CAMSAP3: variants seen among roughly 807,000 people sequenced by gnomAD.
The protein encoded by CAMSAP3 is calmodulin regulated spectrin associated protein family member 3.
In CAMSAP3, 34 loss-of-function variants were observed where a neutral mutation model predicts 112.5. The ratio of observed to expected loss-of-function variants is 0.30; its 90% confidence interval spans 0.23 to 0.40. The LOEUF is 0.40. CAMSAP3 is among the 10% of genes least tolerant of loss of function. CAMSAP3 has a pLI of 1.00. For missense variants in CAMSAP3, 1,602 were observed against 1,770.3 expected, an observed-to-expected ratio of 0.90 and a Z score of 1.71; for synonymous variants, 868 against 799.8, an observed-to-expected ratio of 1.09 and a Z score of -1.44.
In CAMSAP3 at chr19:7,611,040, G is replaced by C. The variant is rs2030456975; in HGVS notation, c.1050-55G>C. On this transcript the variant is annotated intron_variant, in intron 8 of 16. Coordinates refer to ENST00000160298, the MANE Select transcript of CAMSAP3 (RefSeq NM_020902.2). The surrounding 1 kb of genome is among the most constrained non-coding windows in gnomAD (Gnocchi z 6.9). ...GGTGATGCTGTTGTCTCCCCCCGGG[G>C]AGAGGCGGAGGAGGAGGTGGGGGTC... is the stretch of plus-strand genomic sequence containing the variant. 2 of 1,605,738 alleles carry C rather than the reference G, an allele frequency of 1.2e-6. No individual in the cohort carries two copies. Among genetic ancestry groups the C allele is most frequent in the South Asian group, 2.2e-5 (2 of 90,736 alleles).
intron 1 of CAMSAP3, among the ~76,000 whole-genome samples, chr19:7,601,145 C>T (rs961048310): frequency 1.3e-5 from 2 of 152,004 alleles, no homozygotes; most frequent in Non-Finnish European, 1.5e-5. Flanking sequence ...ACAACAAAAA[C>T]CAGTGTAAAA....
rs574118963 is a variant in CAMSAP3 at position 7,607,748 on chromosome 19, C to T, written c.622-378C>T. 4 of 575,428 alleles carry T rather than the reference C, an allele frequency of 7.0e-6. No homozygotes were observed. The highest frequency in any genetic ancestry group is 3.0e-5 in the Admixed American group (1 of 32,948). 35.6% of individuals were successfully genotyped at this position (575,428 alleles called of 1,614,324 possible). On this transcript the variant is annotated intron_variant, in intron 4 of 16. Transcript: ENST00000160298. This position sits in a 1 kb window ranked among gnomAD's most constrained non-coding sequence, Gnocchi z 4.9. ...ACCAGGGTCAGGGCTACCCCCTCCC[C>T]CCCAAGGTGGGCTTGGGGGCCCAGC... is the stretch of plus-strand genomic sequence containing the variant.
intron 1 of CAMSAP3, among the ~76,000 whole-genome samples, chr19:7,599,618 TCCACCCACCCCACTCATCCATCCACCCAC>T (rs1599339807): frequency 2.9e-5 from 1 of 34,200 alleles, no homozygotes; most frequent in Non-Finnish European, 5.4e-5. Context: ...CACTCATCCA[TCCACCCACCCCACTCATCCATCCACCCAC>T]CCACCCACCC....
Position 7,612,375 on chromosome 19 carries a change from C to A in CAMSAP3, c.1882C>A (p.His628Asn). 1 of 1,599,886 alleles carries A rather than the reference C, an allele frequency of 6.3e-7. No individual in the cohort carries two copies. Among genetic ancestry groups the A allele is most frequent in the Non-Finnish European group, 8.5e-7 (1 of 1,176,122 alleles). The change falls in exon 11 of 17, where the codon CAC becomes AAC. Residue 628 changes from histidine (H) to asparagine (N), a missense_variant. By Grantham distance (68) the His-to-Asn change is moderately conservative (BLOSUM62 1). Around this residue, in one of 6 missense-constraint regions of CAMSAP3, gnomAD observed 1,100 missense variants for 1,135.7 expected, o/e 0.97. Transcript: ENST00000160298. ...ACGGATTGAGGCCATATTCGCCAAG[C>A]ACCGCCAGCGGCTGGGCAAAAGCGC... ...KRRIEAIFAK[H>N]RQRLGKSAFL...
At chr19:7,614,945 T>G in intron 11 of CAMSAP3, 1 of 590,550 alleles carries the variant, frequency 1.7e-6, no homozygotes, top group South Asian at 2.0e-5. Context: ...CTGCTGCTTT[T>G]GTCTTCCCCG....
rs373173219 is a variant in CAMSAP3, at chr19:7,617,855, C to G, written c.3548C>G (p.Ser1183Trp). 1.9e-6 allele frequency: 3 copies of G among 1,613,770 alleles called. No individual in the cohort carries two copies. The highest frequency in any genetic ancestry group is 1.1e-5 in the South Asian group (1 of 91,092). ...YTLSGETEEL[S>W]RLAGYGPRTV... ...CTGTCGGGGGAGACAGAGGAGCTGT[C>G]GCGGCTGGCAGGGTATGGGCCCCGG... Residue 1183 changes from serine (S) to tryptophan (W), a missense_variant, in exon 17 of 17, where the codon TCG becomes TGG. Ser to Trp is a radical substitution (Grantham distance 177). Coordinates refer to ENST00000160298, the MANE Select transcript of CAMSAP3 (RefSeq NM_020902.2). This position sits in a 1 kb window ranked among gnomAD's most constrained non-coding sequence, Gnocchi z 7.5.
chr19:7,596,014 G>T lies in CAMSAP3; in HGVS notation c.12G>T (p.Ala4=), dbSNP rs2024429200. 2 of 1,145,968 alleles carry T rather than the reference G, an allele frequency of 1.7e-6. No individual in the cohort carries two copies. The highest frequency in any genetic ancestry group is 2.2e-6 in the Non-Finnish European group (2 of 917,560). 71.0% of individuals were successfully genotyped at this position (1,145,968 alleles called of 1,614,324 possible). MVE[A]APPGPGPLRR... ...GCCCCGGCGCCGCCATGGTGGAGGC[G>T]GCGCCCCCCGGGCCCGGGCCGCTGC... is the stretch of plus-strand genomic sequence containing the variant. Residue 4 remains alanine (A), a synonymous_variant, in exon 1 of 17, where the codon GCG becomes GCT. Transcript: ENST00000160298.
At chr19:7,603,340 G>A (rs1464086811) in intron 1 of CAMSAP3, among the ~76,000 whole-genome samples, 4 of 151,622 alleles carry the variant, frequency 2.6e-5, no homozygotes, top group Non-Finnish European at 5.9e-5. Context: ...TCGGCTTCCC[G>A]AGTAGCTGGG....
rs765681732 is a variant in CAMSAP3 at position 7,612,914 on chromosome 19, C to G, written c.2421C>G (p.Leu807=). The G allele has an allele frequency of 4.3e-6, 7 of 1,609,732 alleles. No homozygotes were observed. The highest frequency in any genetic ancestry group is 5.9e-6 in the Non-Finnish European group (7 of 1,179,190). ...VLTPPHDVDS[L]PHLRKFSPSQ... ...CGCCACCCCACGACGTAGACAGCCT[C>G]CCCCACCTGCGCAAGTTCTCGCCGA... The change falls in exon 11 of 17, where the codon CTC becomes CTG. Residue 807 remains leucine (L), a synonymous_variant. Coordinates refer to ENST00000160298, the MANE Select transcript of CAMSAP3 (RefSeq NM_020902.2).
intron 4 of CAMSAP3, 102 bp from the exon 5 acceptor site, chr19:7,608,024 G>T (rs1245911996): frequency 2.1e-6 from 3 of 1,423,340 alleles, no homozygotes; most frequent in Non-Finnish European, 2.9e-6. Context: ...CCAGCTTCCC[G>T]CCCCCTCATG....
Position 7,611,601 on chromosome 19 carries a change from C to A in CAMSAP3, c.1193+15C>A. The stretch of plus-strand genomic sequence containing the variant: ...CGGCAGCTCAGGTGAGTAGACCTCA[C>A]AGGCCAGGGTAGGGGGTGGAGCAGG... On this transcript the variant is annotated intron_variant, in intron 10 of 16. Coordinates refer to ENST00000160298, the MANE Select transcript of CAMSAP3 (RefSeq NM_020902.2). The surrounding 1 kb of genome is among the most constrained non-coding windows in gnomAD (Gnocchi z 6.9). 1 of 1,610,658 alleles carries A rather than the reference C, an allele frequency of 6.2e-7. No individual in the cohort carries two copies. Among genetic ancestry groups the A allele is most frequent in the Non-Finnish European group, 8.5e-7 (1 of 1,178,850 alleles).
Position 7,605,476 on chromosome 19 carries a change from C to T in CAMSAP3, c.399C>T (p.Leu133=), listed in dbSNP as rs1382940062. 1.4e-6 allele frequency: 2 copies of T among 1,456,150 alleles called. No homozygotes were observed. The highest frequency in any genetic ancestry group is 2.9e-5 in the African/African-American group (2 of 68,808). 90.2% of individuals were successfully genotyped at this position (1,456,150 alleles called of 1,614,324 possible). A position where few individuals can be genotyped will look rare whatever the true frequency, so the allele number is the denominator to read the frequency against. ...CCGACCTGAGGCACCAGCCCATTCT[C>T]ATGGTAGGCCCCGCCACTGCCTGTT... ...READLRHQPI[L]MGAHLAVIDA... is the part of the protein sequence containing the mutation. Residue 133 remains leucine (L), a synonymous_variant, in exon 2 of 17, where the codon CTC becomes CTT. Transcript: ENST00000160298.
chr19:7,606,134 TG>T, intron 2 of CAMSAP3, 136 bp from the exon 3 acceptor site: 1 of 648,264 alleles, frequency 1.5e-6, no homozygotes, highest in South Asian at 1.8e-5. Flanking sequence ...CATGAACCAC[TG>T]GCCCCGCCCC....
rs2030863232 is a variant in CAMSAP3, at chr19:7,617,368, T to C, written c.3255T>C (p.Pro1085=). The change falls in exon 15 of 17, where the codon CCT becomes CCC. Residue 1085 remains proline, a synonymous_variant. Transcript: ENST00000160298. This position sits in a 1 kb window ranked among gnomAD's most constrained non-coding sequence, Gnocchi z 7.5. The part of the protein sequence containing the change: ...PSGLMSPSRL[P]GSRERDWENG... ...GTCTCATGTCCCCAAGCCGCCTGCC[T>C]GGAAGCCGCGAACGGGACTGGGAAA... 4 of 1,614,098 alleles carry C rather than the reference T, an allele frequency of 2.5e-6. No homozygotes were observed. Among genetic ancestry groups the C allele is most frequent in the Non-Finnish European group, 3.4e-6 (4 of 1,179,992 alleles).
At chr19:7,616,911 C>A (rs183771719) in intron 14 of CAMSAP3, among the ~76,000 whole-genome samples, 47 of 147,712 alleles carry the variant, frequency 3.2e-4, no homozygotes, top group African/African-American at 7.3e-4. Flanking sequence ...TATACCGCCT[C>A]CTCTGCAGTG....
intron 11 of CAMSAP3, among the ~76,000 whole-genome samples, chr19:7,614,136 T>G (rs1274059209): frequency 6.6e-6 from 1 of 150,872 alleles, no homozygotes; most frequent in African/African-American, 2.4e-5. Flanking sequence ...GGCGGGCGCA[T>G]GTAGTCCCAG....
Position 7,610,757 on chromosome 19 carries a change from G to A in CAMSAP3, c.958G>A (p.Asp320Asn), listed in dbSNP as rs887612697. 9.9e-6 allele frequency: 16 copies of A among 1,613,980 alleles called. No homozygotes were observed. The highest frequency in any genetic ancestry group is 1.6e-4 in the Middle Eastern group (1 of 6,062). ...LFMCFEVLKP[D>N]FVQVKDLPDG... ...CATGTGTTTTGAGGTGCTCAAGCCC[G>A]ACTTTGTGCAAGTGAAGGACTTGCC... The change falls in exon 7 of 17, where the codon GAC (aspartate) becomes AAC (asparagine). Residue 320 changes from aspartate (D) to asparagine (N), a missense_variant. This residue lies in a region of CAMSAP3 where 1,100 missense variants were observed against 1,135.7 expected (regional missense o/e 0.97). Transcript: ENST00000160298. The surrounding 1 kb of genome is among the most constrained non-coding windows in gnomAD (Gnocchi z 4.9).
At chr19:7,609,452 C>T (rs1035987325) in intron 5 of CAMSAP3, among the ~76,000 whole-genome samples, 5 of 152,048 alleles carry the variant, frequency 3.3e-5, no homozygotes, top group Non-Finnish European at 7.4e-5. Flanking sequence ...TGAGCCACCA[C>T]ACCTGGCCCG....
chr19:7,606,058 A>G (rs1375878514), intron 2 of CAMSAP3, among the ~76,000 whole-genome samples: 1 of 152,042 alleles, frequency 6.6e-6, no homozygotes, highest in South Asian at 2.1e-4. Context: ...CTGACCTCAA[A>G]GTCCCACCCA....
Sources: gnomAD v4.1 joint callset for allele counts (sites outside exome capture counted in the v4.1 genomes callset) on GRCh38, gnomAD v4.1.1 for gene constraint, gnomAD v4.1.1 regional missense constraint, Gnocchi (gnomAD v3.1) non-coding constraint, MANE v1.5 for transcripts, NCBI Gene and HGNC (gene_info 2026-07-23, HGNC 2026-07-21) for gene names.